CACNA1C: variants seen among roughly 807,000 people sequenced by gnomAD.
The protein encoded by CACNA1C is calcium voltage-gated channel subunit alpha1 C, also known as voltage-dependent L-type calcium channel subunit alpha-1C.
Under a neutral mutation model 229.0 loss-of-function variants are expected in CACNA1C, and 30 were observed. The ratio of observed to expected loss-of-function variants is 0.13; its 90% CI spans 0.10 to 0.18. The LOEUF (loss-of-function observed/expected upper bound fraction) is 0.18, where lower values mean the gene tolerates loss of function less well. Among genes scored for constraint, CACNA1C ranks in the 10% least tolerant of loss-of-function variants. The pLI is 1.00. For synonymous variants in CACNA1C, 1,114 were observed against 1,132.5 expected (o/e 0.98, Z 0.33); for missense variants, 1,658 against 2,845.0 (o/e 0.58, Z 9.49).
chr12:2,425,912 G>A (rs1329530369), intron 3 of CACNA1C, among the ~76,000 whole-genome samples: 1 of 152,196 alleles, frequency 6.6e-6, no homozygotes, highest in Non-Finnish European at 1.5e-5. Context: ...GTAATAATTT[G>A]GCAGGAGGGG....
At chr12:2,342,729 C>T (rs912078150) in intron 3 of CACNA1C, among the ~76,000 whole-genome samples, 4 of 152,200 alleles carry the variant, frequency 2.6e-5, no homozygotes, top group Non-Finnish European at 4.4e-5. Context: ...ATCAGTGCTG[C>T]AGTAGGATGA....
intron 7 of CACNA1C, among the ~76,000 whole-genome samples, chr12:2,500,001 A>C (rs2099755454): frequency 6.6e-6 from 1 of 152,154 alleles, no homozygotes; most frequent in African/African-American, 2.4e-5. Context: ...TGAAAGGAGA[A>C]CTTTCCTTTC....
chr12:2,151,411 A>G (rs2095254768), intron 3 of CACNA1C, among the ~76,000 whole-genome samples: 2 of 151,326 alleles, frequency 1.3e-5, no homozygotes, highest in Non-Finnish European at 2.9e-5. Flanking sequence ...TGTCTGACTG[A>G]GGAGCCATTT....
intron 1 of CACNA1C, among the ~76,000 whole-genome samples, chr12:2,044,111 G>C (rs923525228): frequency 6.6e-6 from 1 of 152,150 alleles, no homozygotes; most frequent in Non-Finnish European, 1.5e-5. Flanking sequence ...ATGTAAGCAG[G>C]ACCGAACATG....
intron 5 of CACNA1C, among the ~76,000 whole-genome samples, chr12:2,485,431 G>C (rs1032560756): frequency 6.6e-6 from 1 of 152,102 alleles, no homozygotes; most frequent in Non-Finnish European, 1.5e-5. Flanking sequence ...TTAGTAAGGG[G>C]GGCCTTCTCC....
chr12:2,230,198 G>A (rs1348650951), intron 3 of CACNA1C, among the ~76,000 whole-genome samples: 1 of 152,146 alleles, frequency 6.6e-6, no homozygotes, highest in Non-Finnish European at 1.5e-5. Context: ...GGCTGCTGCC[G>A]AGCTCCGCAG....
chr12:2,496,563 A>G (rs1435524816), intron 7 of CACNA1C, among the ~76,000 whole-genome samples: 1 of 152,234 alleles, frequency 6.6e-6, no homozygotes, highest in Non-Finnish European at 1.5e-5. Flanking sequence ...CCAGTTGTGG[A>G]TGATACAGTA....
intron 3 of CACNA1C, among the ~76,000 whole-genome samples, chr12:2,378,115 T>C (rs1440397107): frequency 1.3e-5 from 2 of 152,182 alleles, no homozygotes; most frequent in Admixed American, 1.3e-4. Context: ...CTTTGGACTT[T>C]AGTTTCTTCC....
rs2071992134 is a variant in CACNA1C, at chr12:2,601,223, G to T, written c.2854-631G>T. Among the ~76,000 whole-genome samples the T allele has an allele frequency of 6.6e-6, 1 of 152,202 alleles. No homozygotes were observed. The highest frequency in any genetic ancestry group is 2.4e-5 in the African/African-American group (1 of 41,452). On this transcript the variant is annotated intron_variant, in intron 21 of 46. Transcript: ENST00000399655. This position sits in a 1 kb window ranked among gnomAD's most constrained non-coding sequence, Gnocchi z 5.9. ...CACCCTTTGAGGCCAGGAAGGGGAG[G>T]TATGCTAATTGCCAGGGTCACCACT...
intron 3 of CACNA1C, among the ~76,000 whole-genome samples, chr12:2,153,035 A>G (rs1357996111): frequency 6.6e-6 from 1 of 152,232 alleles, no homozygotes; most frequent in Non-Finnish European, 1.5e-5. Flanking sequence ...GCTGCCTTTC[A>G]GTGGTGGTCA....
intron 30 of CACNA1C, among the ~76,000 whole-genome samples, chr12:2,641,094 C>T (rs2093640075): frequency 1.3e-5 from 2 of 152,184 alleles, no homozygotes; most frequent in South Asian, 4.1e-4. Context: ...CCCCACTGCC[C>T]ATAGCTGTGA....
chr12:2,142,900 A>G (rs2094390318), intron 3 of CACNA1C, among the ~76,000 whole-genome samples: 1 of 151,458 alleles, frequency 6.6e-6, no homozygotes, highest in Admixed American at 6.6e-5. Context: ...AGTTAAAAAA[A>G]ATTAAAAGGT....
At chr12:2,669,904 T>C (rs1316218973) in intron 38 of CACNA1C, among the ~76,000 whole-genome samples, 1 of 152,190 alleles carries the variant, frequency 6.6e-6, no homozygotes, top group Non-Finnish European at 1.5e-5. Context: ...ATAATCTGCT[T>C]GCTTTATGAT....
chr12:2,652,415 G>T (rs1036538972), intron 32 of CACNA1C, among the ~76,000 whole-genome samples: 2 of 152,170 alleles, frequency 1.3e-5, no homozygotes, highest in East Asian at 3.9e-4. Flanking sequence ...AAGTTAAGGA[G>T]AAGCAAAGCG....
Position 2,677,265 on chromosome 12 carries a change from C to A in CACNA1C, c.4956+44C>A. On this transcript the variant is annotated intron_variant, in intron 40 of 46. Transcript: ENST00000399655. This position sits in a 1 kb window ranked among gnomAD's most constrained non-coding sequence, Gnocchi z 7.4. Reference sequence around the variant, plus strand: ...GCCCACACTCCAGGAAGGTCCTGGTCATTGCCTCTGACCTCCAGTCAGGGT... The same window carrying A: ...GCCCACACTCCAGGAAGGTCCTGGTAATTGCCTCTGACCTCCAGTCAGGGT... The A allele has an allele frequency of 1.2e-6, 2 of 1,600,938 alleles. No homozygotes were observed. The highest frequency in any genetic ancestry group is 2.2e-5 in the South Asian group (2 of 88,908).
At chr12:2,635,222 A>G (rs928118835) in intron 30 of CACNA1C, among the ~76,000 whole-genome samples, 3 of 151,988 alleles carry the variant, frequency 2.0e-5, no homozygotes, top group African/African-American at 7.3e-5. Flanking sequence ...ACAGCACCCC[A>G]GCCTCTGCAA....
At chr12:2,439,210 A>C (rs1441675263) in intron 3 of CACNA1C, among the ~76,000 whole-genome samples, 1 of 152,220 alleles carries the variant, frequency 6.6e-6, no homozygotes, top group East Asian at 1.9e-4. Flanking sequence ...TGCCCTGGGC[A>C]GGTGGCTGGC....
At chr12:2,372,223 C>T (rs914844323) in intron 3 of CACNA1C, among the ~76,000 whole-genome samples, 5 of 152,180 alleles carry the variant, frequency 3.3e-5, no homozygotes, top group African/African-American at 7.2e-5. Context: ...CAATTCCCGT[C>T]GTCATCTCCA....
Position 2,346,955 on chromosome 12 carries a change from C to A in CACNA1C, c.478-102021C>A, listed in dbSNP as rs1350951561. ...CTCAGAATGCTAGTCCTTTGTATAA[C>A]CCTTTCCACTGGCTGGGGCCACAGA... On this transcript the variant is annotated intron_variant, in intron 3 of 46. Transcript: ENST00000399655. The surrounding 1 kb of genome is among the most constrained non-coding windows in gnomAD (Gnocchi z 4.4). Among the ~76,000 whole-genome samples, 1 of 152,184 alleles carries A rather than the reference C, an allele frequency of 6.6e-6. No individual in the cohort carries two copies. Among genetic ancestry groups the A allele is most frequent in the Admixed American group, 6.5e-5 (1 of 15,284 alleles).
Sources: gnomAD v4.1 joint callset for allele counts (sites outside exome capture counted in the v4.1 genomes callset) on GRCh38, gnomAD v4.1.1 for gene constraint, Gnocchi (gnomAD v3.1) non-coding constraint, MANE v1.5 for transcripts, NCBI Gene and HGNC (gene_info 2026-07-23, HGNC 2026-07-21) for gene names.